SLC30A7: variants seen among roughly 807,000 people sequenced by gnomAD.
The protein encoded by SLC30A7 is zinc transporter 7.
In SLC30A7, 35 loss-of-function variants were observed where a neutral mutation model predicts 46.0. That is an observed-to-expected ratio of 0.76 (90% CI 0.58 to 1.01). The LOEUF (loss-of-function observed/expected upper bound fraction) is 1.01, where lower values mean the gene tolerates loss of function less well. Ranked by LOEUF, SLC30A7 falls within the 50% of genes least tolerant of loss-of-function variation. The probability of loss-of-function intolerance (pLI) is 0.00; values close to 1 mark genes in which losing one functional copy is unlikely to be tolerated. For synonymous variants in SLC30A7, 147 were observed against 157.8 expected, an observed-to-expected ratio of 0.93 and a Z score of 0.51; for missense variants, 464 against 451.1, an observed-to-expected ratio of 1.03 and a Z score of -0.26.
chr1:100,937,737 A>G (rs980947772), intron 8 of SLC30A7, among the ~76,000 whole-genome samples: 2 of 151,900 alleles, frequency 1.3e-5, no homozygotes, highest in African/African-American at 4.8e-5. Flanking sequence ...ATATGCAGAT[A>G]TTTTCTCTTT....
intron 10 of SLC30A7, among the ~76,000 whole-genome samples, chr1:100,968,376 G>A (rs777949008): frequency 5.3e-5 from 8 of 151,588 alleles, no homozygotes; most frequent in African/African-American, 1.9e-4. Flanking sequence ...CAGGAGAATC[G>A]CTTGAACCCA....
At chr1:100,953,870 T>C (rs1655080912) in intron 8 of SLC30A7, among the ~76,000 whole-genome samples, 1 of 152,204 alleles carries the variant, frequency 6.6e-6, no homozygotes, top group South Asian at 2.1e-4. Context: ...ACATTGAGAA[T>C]TGAGAATGCT....
chr1:100,987,702 G>A, the SLC30A7 span, among the ~76,000 whole-genome samples: 3 of 140,590 alleles, frequency 2.1e-5, no homozygotes, highest in South Asian at 4.4e-4. Context: ...GCTATAAACT[G>A]TATTTCCTTA....
At chr1:100,952,476 G>A (rs1446076581) in intron 8 of SLC30A7, among the ~76,000 whole-genome samples, 1 of 152,092 alleles carries the variant, frequency 6.6e-6, no homozygotes, top group East Asian at 1.9e-4. Flanking sequence ...TTAAAGGAAG[G>A]CTATTGGGAA....
At chr1:100,983,555 T>G (rs186651838), downstream of SLC30A7, among the ~76,000 whole-genome samples, 94 of 152,314 alleles carry the variant, frequency 6.2e-4, no homozygotes, top group African/African-American at 2.2e-3. Context: ...AATGGATGAA[T>G]TTTGCTTTTT....
At chr1:100,924,510 A>G (rs1653156883) in intron 8 of SLC30A7, among the ~76,000 whole-genome samples, 1 of 151,906 alleles carries the variant, frequency 6.6e-6, no homozygotes, top group South Asian at 2.1e-4. Flanking sequence ...CTGATTCTCT[A>G]CCTCCCAGGC....
intron 6 of SLC30A7, among the ~76,000 whole-genome samples, chr1:100,916,738 C>A (rs1193535622): frequency 7.7e-6 from 1 of 129,974 alleles, no homozygotes; most frequent in East Asian, 2.4e-4. Context: ...TACCCATTAA[C>A]CATCCTCACT....
At chr1:100,926,920 G>A (rs1387348606) in intron 8 of SLC30A7, among the ~76,000 whole-genome samples, 1 of 152,180 alleles carries the variant, frequency 6.6e-6, no homozygotes, top group East Asian at 1.9e-4. Context: ...CTTCTGCATA[G>A]GGTAATATTG....
At chr1:100,960,756 A>G (rs957928927) in intron 8 of SLC30A7, among the ~76,000 whole-genome samples, 2 of 152,104 alleles carry the variant, frequency 1.3e-5, no homozygotes, top group Non-Finnish European at 2.9e-5. Context: ...TTCAAGCAGT[A>G]GAACAGTACA....
chr1:100,934,525 G>A (rs1653839533), intron 8 of SLC30A7, among the ~76,000 whole-genome samples: 2 of 151,946 alleles, frequency 1.3e-5, no homozygotes, highest in South Asian at 2.1e-4. Flanking sequence ...AAAAGAATAA[G>A]GAAGTCAGAG....
In SLC30A7 at chr1:100,975,349, G is replaced by A. The variant is rs1169221889; in HGVS notation, c.*492G>A. ...AAAAAAAGAAAGAAATTGGAAATCT[G>A]TGCTATACGTAATGTCATAATTGTT... is the stretch of plus-strand genomic sequence containing the variant. On this transcript the variant is annotated 3_prime_UTR_variant, in exon 11 of 11. Transcript: ENST00000357650. 1 of 152,594 alleles carries A rather than the reference G, an allele frequency of 6.6e-6. No homozygotes were observed. The highest frequency in any genetic ancestry group is 6.6e-5 in the Admixed American group (1 of 15,264). 9.5% of individuals were successfully genotyped at this position (152,594 alleles called of 1,614,324 possible).
chr1:100,992,097 CAA>C, the SLC30A7 span, among the ~76,000 whole-genome samples: 45 of 120,226 alleles, frequency 3.7e-4, no homozygotes, highest in Non-Finnish European at 3.9e-4. Flanking sequence ...GACCCTCTCT[CAA>C]AAAAAAAAAA....
At chr1:100,932,299 C>T (rs1653706579) in intron 8 of SLC30A7, among the ~76,000 whole-genome samples, 1 of 152,066 alleles carries the variant, frequency 6.6e-6, no homozygotes, top group Admixed American at 6.6e-5. Context: ...TCTGTAATCC[C>T]AGCTACTTGG....
intron 8 of SLC30A7, among the ~76,000 whole-genome samples, chr1:100,927,997 G>A (rs1653415087): frequency 1.3e-5 from 2 of 152,158 alleles, no homozygotes; most frequent in Non-Finnish European, 2.9e-5. Context: ...TGTGATTATA[G>A]GGGCAGAAGA....
downstream of SLC30A7, among the ~76,000 whole-genome samples, chr1:100,983,771 A>G (rs1364992013): frequency 1.3e-5 from 2 of 152,232 alleles, no homozygotes; most frequent in Non-Finnish European, 2.9e-5. Context: ...ATTCAGATTC[A>G]CATATAAGCA....
intron 5 of SLC30A7, 108 bp from the exon 6 acceptor site, chr1:100,913,555 G>A (rs1570519152): frequency 2.6e-6 from 2 of 765,974 alleles, no homozygotes; most frequent in East Asian, 5.4e-5. Context: ...AATGTTTATT[G>A]AATTGATCTG....
rs777665964 is a variant in SLC30A7 at position 100,913,793 on chromosome 1, C to T, written c.642C>T (p.His214=). Residue 214 remains histidine, a synonymous_variant, in exon 6 of 11, where the codon CAC becomes CAT. Coordinates refer to ENST00000357650, the MANE Select transcript of SLC30A7 (RefSeq NM_133496.5). ...ATGATCATGCTCATGGACATGGACA[C>T]TTTCATTCTCATGGTGAGTACAGCC... ...HSHDHAHGHG[H]FHSHDGPSLK... 6.8e-6 allele frequency: 11 copies of T among 1,613,558 alleles called. No homozygotes were observed. Among genetic ancestry groups the T allele is most frequent in the South Asian group, 4.4e-5 (4 of 91,046 alleles).
At chr1:100,971,926 A>T (rs1475137846) in intron 10 of SLC30A7, among the ~76,000 whole-genome samples, 1 of 152,144 alleles carries the variant, frequency 6.6e-6, no homozygotes, top group East Asian at 1.9e-4. Context: ...TATTGAAGAT[A>T]TTCTAAGCCT....
At chr1:100,988,060 C>T in the SLC30A7 span, among the ~76,000 whole-genome samples, 2 of 152,170 alleles carry the variant, frequency 1.3e-5, no homozygotes, top group Non-Finnish European at 2.9e-5. Flanking sequence ...TGTGGCTTTC[C>T]ACCAAGGTCC....
Sources: gnomAD v4.1 joint callset for allele counts (sites outside exome capture counted in the v4.1 genomes callset) on GRCh38, gnomAD v4.1.1 for gene constraint, MANE v1.5 for transcripts, NCBI Gene and HGNC (gene_info 2026-07-23, HGNC 2026-07-21) for gene names.